The following RNGTT variants were observed in gnomAD, a reference collection of about 807,000 sequenced individuals.
The protein encoded by RNGTT is RNA guanylyltransferase and 5'-phosphatase.
In RNGTT, 33 loss-of-function variants were observed where a neutral mutation model predicts 79.3. That is an observed-to-expected ratio of 0.42 (90% CI 0.32 to 0.56). The LOEUF (loss-of-function observed/expected upper bound fraction) is 0.56. Among genes scored for constraint, RNGTT ranks in the 20% least tolerant of loss-of-function variants. RNGTT has a pLI of 0.17. For missense variants in RNGTT, 497 were observed against 739.1 expected (o/e 0.67, Z 3.80); for synonymous variants, 222 against 235.9 (o/e 0.94, Z 0.54).
intron 13 of RNGTT, among the ~76,000 whole-genome samples, chr6:88,765,184 T>A (rs1199711421): frequency 4.3e-5 from 6 of 138,698 alleles, no homozygotes; most frequent in East Asian, 4.1e-4. Flanking sequence ...AGAGTGAGAC[T>A]CCATCTCAAA....
chr6:88,930,718 A>G (rs1186067012), intron 2 of RNGTT, among the ~76,000 whole-genome samples: 5 of 152,150 alleles, frequency 3.3e-5, no homozygotes, highest in Admixed American at 3.3e-4. Flanking sequence ...CAATAAAAAT[A>G]CATTTCCGGT....
In RNGTT at chr6:88,781,082, A is replaced by G. The variant is rs1334001342; in HGVS notation, c.1339-11208T>C. Among the ~76,000 whole-genome samples the G allele has an allele frequency of 5.3e-5, 8 of 152,200 alleles. No individual in the cohort carries two copies. The South Asian group carries it at 8.3e-4, about 16-fold the overall frequency. Reference sequence around the variant, plus strand: ...CAAAGAATTCTAGCCCAAAATGTCAATGGTGCCAAGGCTGAGAAAACCTGA... The same window carrying G: ...CAAAGAATTCTAGCCCAAAATGTCAGTGGTGCCAAGGCTGAGAAAACCTGA... On this transcript the variant is annotated intron_variant, in intron 12 of 15. Transcript: ENST00000369485.
chr6:88,703,496 T>C (rs1582355494), intron 13 of RNGTT, among the ~76,000 whole-genome samples: 2 of 152,164 alleles, frequency 1.3e-5, no homozygotes, highest in South Asian at 2.1e-4. Flanking sequence ...TGGGTACTCA[T>C]AGACATAAAG....
intron 8 of RNGTT, among the ~76,000 whole-genome samples, chr6:88,860,128 G>A (rs1025648983): frequency 2.6e-5 from 4 of 152,186 alleles, no homozygotes; most frequent in Non-Finnish European, 4.4e-5. Flanking sequence ...CAGTGACTAC[G>A]ACAGTAGTAA....
intron 12 of RNGTT, among the ~76,000 whole-genome samples, chr6:88,781,822 G>T (rs1284895866): frequency 6.6e-6 from 1 of 151,974 alleles, no homozygotes; most frequent in Non-Finnish European, 1.5e-5. Flanking sequence ...TAACCAGAAA[G>T]GTTCAAAACT....
chr6:88,896,459 C>CA (rs1554228817), intron 6 of RNGTT, among the ~76,000 whole-genome samples: 5 of 152,102 alleles, frequency 3.3e-5, no homozygotes, highest in Non-Finnish European at 5.9e-5. Flanking sequence ...AGCTTCGAGA[C>CA]AGTTAATGAT....
In RNGTT at chr6:88,945,523, C is replaced by A. The variant is rs143499666; in HGVS notation, c.65-4343G>T. 4.2e-3 allele frequency among the ~76,000 whole-genome samples: 647 copies of A among 152,320 alleles called. 4 individuals carry two copies. The highest frequency in any genetic ancestry group is 7.4e-3 in the Non-Finnish European group (504 of 68,034). On this transcript the variant is annotated intron_variant, in intron 1 of 15. Coordinates refer to ENST00000369485, the MANE Select transcript of RNGTT (RefSeq NM_003800.5). The stretch of plus-strand genomic sequence containing the variant: ...TCAATTTCTAGCTATTCGTCCTCAA[C>A]TCCTTTGTTCCCTCTTTTTTCTTTA...
intron 12 of RNGTT, among the ~76,000 whole-genome samples, chr6:88,799,201 T>C (rs368862420): frequency 3.3e-5 from 5 of 151,742 alleles, no homozygotes; most frequent in Admixed American, 1.3e-4. Flanking sequence ...TGATTTAACA[T>C]TGCAAACACA....
intron 14 of RNGTT, among the ~76,000 whole-genome samples, chr6:88,651,667 A>T (rs938446097): frequency 3.3e-5 from 5 of 152,050 alleles, no homozygotes; most frequent in Non-Finnish European, 7.4e-5. Context: ...TCACAATAAG[A>T]TGTAAAAATT....
At chr6:88,934,677 G>A (rs919143338) in intron 2 of RNGTT, among the ~76,000 whole-genome samples, 6 of 151,840 alleles carry the variant, frequency 4.0e-5, no homozygotes, top group Non-Finnish European at 8.8e-5. Context: ...AGTCTCACTC[G>A]TTGCCCAGGC....
Position 88,963,435 on chromosome 6 carries a change from T to C in RNGTT, c.-26A>G. 2 of 1,539,942 alleles carry C rather than the reference T, an allele frequency of 1.3e-6. No homozygotes were observed. The highest frequency in any genetic ancestry group is 1.8e-6 in the Non-Finnish European group (2 of 1,139,002). On this transcript the variant is annotated 5_prime_UTR_variant, in exon 1 of 16. Transcript: ENST00000369485. ...GTCTTGGGGCTGCGCAGAGCTGCCC[T>C]CCCTCACCAACGTTCACCGCGCCTT... is the stretch of plus-strand genomic sequence containing the variant.
intron 4 of RNGTT, among the ~76,000 whole-genome samples, chr6:88,924,537 A>T (rs2127951596): frequency 6.6e-6 from 1 of 152,220 alleles, no homozygotes; most frequent in South Asian, 2.1e-4. Context: ...TGTTGCCCAG[A>T]CCAGTGTCAA....
chr6:88,919,040 G>A (rs912137588), intron 4 of RNGTT, among the ~76,000 whole-genome samples: 12 of 152,078 alleles, frequency 7.9e-5, no homozygotes, highest in African/African-American at 2.9e-4. Flanking sequence ...TAATGGTTCA[G>A]TTATACATCA....
intron 14 of RNGTT, among the ~76,000 whole-genome samples, chr6:88,632,130 T>A (rs147509301): frequency 0.019 from 2,890 of 152,194 alleles, 98 homozygotes; most frequent in African/African-American, 0.064. Flanking sequence ...TTGGCTAATT[T>A]TTGTATTTTT....
Position 88,674,782 on chromosome 6 carries a change from C to CA in RNGTT, c.1506+3570dup, listed in dbSNP as rs968005774. Among the ~76,000 whole-genome samples, 12 of 151,772 alleles carry CA rather than the reference C, an allele frequency of 7.9e-5. No homozygotes were observed. In the South Asian group the frequency reaches 1.2e-3, roughly 16 times the overall value. On this transcript the variant is annotated intron_variant, in intron 14 of 15. Coordinates refer to ENST00000369485, the MANE Select transcript of RNGTT (RefSeq NM_003800.5). Reference sequence around the variant, plus strand: ...AAATCAGAAAACTATGTAACAACAACAAAAAAATCACAAAACAAATGTATT... The same window carrying CA: ...AAATCAGAAAACTATGTAACAACAACAAAAAAAATCACAAAACAAATGTATT...
intron 14 of RNGTT, among the ~76,000 whole-genome samples, chr6:88,662,819 G>A (rs1196518695): frequency 6.6e-6 from 1 of 152,206 alleles, no homozygotes; most frequent in Non-Finnish European, 1.5e-5. Context: ...TTGAACACCG[G>A]GAAGGAATCG....
chr6:88,829,721 A>AAAAAAAAC (rs1554221603), intron 11 of RNGTT, among the ~76,000 whole-genome samples: 6 of 115,588 alleles, frequency 5.2e-5, no homozygotes, highest in East Asian at 2.5e-4. Flanking sequence ...AAAAAAAAAA[A>AAAAAAAAC]AAACCAGGGG....
chr6:88,631,569 C>T (rs1048296837), intron 14 of RNGTT, among the ~76,000 whole-genome samples: 1 of 152,202 alleles, frequency 6.6e-6, no homozygotes, highest in African/African-American at 2.4e-5. Flanking sequence ...ATGACTTCCT[C>T]GCTTTTGTGA....
chr6:88,661,116 T>C (rs1272385358), intron 14 of RNGTT, among the ~76,000 whole-genome samples: 1 of 152,140 alleles, frequency 6.6e-6, no homozygotes, highest in Non-Finnish European at 1.5e-5. Flanking sequence ...TTCTTTGAAT[T>C]GAATGATGAT....
Sources: gnomAD v4.1 joint callset for allele counts (sites outside exome capture counted in the v4.1 genomes callset) on GRCh38, gnomAD v4.1.1 for gene constraint, MANE v1.5 for transcripts, NCBI Gene and HGNC (gene_info 2026-07-23, HGNC 2026-07-21) for gene names.